The following CDKN2B-AS1 variants were observed in gnomAD, a reference collection of about 807,000 sequenced individuals.
CDKN2B-AS1 encodes the protein CDKN2B and CDKN2A antisense cis and trans regulatory RNA 1, also known as CDKN2B antisense RNA 1 (non-protein coding).
intron 4 of CDKN2B-AS1, among the ~76,000 whole-genome samples, chr9:22,069,553 A>T (rs561632643): frequency 6.6e-6 from 1 of 152,178 alleles, no homozygotes; most frequent in African/African-American, 2.4e-5. Flanking sequence ...ATAGTTACAC[A>T]TAATTATGGG....
chr9:22,105,855 A>G (rs1011502589), intron 4 of CDKN2B-AS1, among the ~76,000 whole-genome samples: 1 of 152,180 alleles, frequency 6.6e-6, no homozygotes, highest in African/African-American at 2.4e-5. Flanking sequence ...GATTTCAACT[A>G]TGGGCTTTAT....
intron 4 of CDKN2B-AS1, chr9:22,064,086 T>C (rs1202615550): frequency 6.6e-6 from 1 of 152,084 alleles, no homozygotes; most frequent in Non-Finnish European, 1.5e-5. Context: ...TACTGAGTAT[T>C]TAAGGTCTAG....
At chr9:22,054,894 G>A (rs1823492409) in intron 3 of CDKN2B-AS1, among the ~76,000 whole-genome samples, 1 of 151,644 alleles carries the variant, frequency 6.6e-6, no homozygotes, top group South Asian at 2.1e-4. Context: ...TGGGATTACA[G>A]GCACCTGCCA....
At chr9:22,126,270 G>T (rs1818022259) in intron 4 of CDKN2B-AS1, among the ~76,000 whole-genome samples, 1 of 152,222 alleles carries the variant, frequency 6.6e-6, no homozygotes, top group Admixed American at 6.5e-5. Flanking sequence ...TATTCATGAT[G>T]AATATGTGAA....
Position 22,039,422 on chromosome 9 carries a change from C to G in CDKN2B-AS1, n.30-7329C>G, listed in dbSNP as rs1822814980. Reference sequence around the variant, plus strand: ...AGAGTCAATTCTCCATATATAAATACTCGGCCCCTGTTTTAGCTGTGTCTT... The same window carrying G: ...AGAGTCAATTCTCCATATATAAATAGTCGGCCCCTGTTTTAGCTGTGTCTT... On this transcript the variant is annotated intron_variant and non_coding_transcript_variant, in intron 1 of 4. Transcript: ENST00000650946. The surrounding 1 kb of genome is among the most constrained non-coding windows in gnomAD (Gnocchi z 4.4). Among the ~76,000 whole-genome samples, 2 of 152,022 alleles carry G rather than the reference C, an allele frequency of 1.3e-5. No individual in the cohort carries two copies.
intron 4 of CDKN2B-AS1, among the ~76,000 whole-genome samples, chr9:22,071,285 C>G (rs184102694): frequency 4.4e-5 from 3 of 67,588 alleles, no homozygotes; most frequent in African/African-American, 2.1e-4. Flanking sequence ...AAATATCTAG[C>G]TTTTTTTTTT....
intron 1 of CDKN2B-AS1, chr9:22,003,714 T>A: frequency 4.3e-6 from 1 of 231,960 alleles, no homozygotes; most frequent in Non-Finnish European, 8.5e-6. Context: ...GGTTCCATTA[T>A]CTTTGTTCCA....
At chr9:22,108,037 A>G (rs1825705118) in intron 4 of CDKN2B-AS1, among the ~76,000 whole-genome samples, 1 of 152,220 alleles carries the variant, frequency 6.6e-6, no homozygotes, top group Non-Finnish European at 1.5e-5. Context: ...GTTTTCTTAA[A>G]CTGAAATAAT....
At chr9:22,108,425 G>T (rs1180449189) in intron 4 of CDKN2B-AS1, among the ~76,000 whole-genome samples, 1 of 152,154 alleles carries the variant, frequency 6.6e-6, no homozygotes, top group Non-Finnish European at 1.5e-5. Flanking sequence ...CACGTTCAGG[G>T]TGGTATGGCC....
rs116385015 is a variant in CDKN2B-AS1 at position 22,100,263 on chromosome 9, G to A, written n.439-26840G>A. On this transcript the variant is annotated intron_variant and non_coding_transcript_variant, in intron 4 of 4. Coordinates refer to ENST00000650946, the Ensembl canonical transcript of CDKN2B-AS1. Reference sequence around the variant, plus strand: ...TGTAACCATTCCTACAATGGTTATAGCACATTTTTATCATCCTAATGAGAT... The same window carrying A: ...TGTAACCATTCCTACAATGGTTATAACACATTTTTATCATCCTAATGAGAT... Among the ~76,000 whole-genome samples, 754 of 152,156 alleles carry A rather than the reference G, an allele frequency of 5.0e-3. 6 individuals carry two copies. Among genetic ancestry groups the A allele is most frequent in the African/African-American group, 0.017 (720 of 41,524 alleles).
chr9:22,029,309 A>G, intron 1 of CDKN2B-AS1: 1 of 663,806 alleles, frequency 1.5e-6, no homozygotes, highest in Middle Eastern at 2.6e-4. Context: ...TCTTTATCAA[A>G]TAGGAGAGCC....
chr9:22,018,108 G>GTGGTC (rs1163283767), intron 1 of CDKN2B-AS1, among the ~76,000 whole-genome samples: 5 of 151,948 alleles, frequency 3.3e-5, no homozygotes, highest in African/African-American at 1.2e-4. Flanking sequence ...TGGATCACCT[G>GTGGTC]AGGTCAGGAG....
intron 1 of CDKN2B-AS1, among the ~76,000 whole-genome samples, chr9:22,037,609 C>T (rs1193369871): frequency 6.6e-6 from 1 of 152,004 alleles, no homozygotes; most frequent in African/African-American, 2.4e-5. Context: ...TTTTAACTTT[C>T]CTCTTCAGCT....
chr9:22,023,371 T>C (rs1245787488), intron 1 of CDKN2B-AS1, among the ~76,000 whole-genome samples: 3 of 152,170 alleles, frequency 2.0e-5, no homozygotes, highest in Non-Finnish European at 4.4e-5. Context: ...TTTGGAAAGG[T>C]AGTCTTCAAG....
chr9:22,104,557 G>A (rs73650050), intron 4 of CDKN2B-AS1, among the ~76,000 whole-genome samples: 6,666 of 152,136 alleles, frequency 0.044, 449 homozygotes, highest in African/African-American at 0.15. Context: ...ACTTCCCACA[G>A]GACTGGAAAT....
At chr9:22,010,214 C>A (rs1821429531) in intron 1 of CDKN2B-AS1, among the ~76,000 whole-genome samples, 1 of 152,194 alleles carries the variant, frequency 6.6e-6, no homozygotes, top group Admixed American at 6.5e-5. Context: ...AAATTCTCTT[C>A]TGAAGATTTA....
Position 22,005,994 on chromosome 9 carries a change from C to G in CDKN2B-AS1, n.29+10833C>G. ...CGGCTGGGGAACCTGGCGTCAGTCCCCCGTGGCTGTGCGCAGGTACCCTGC... is the reference window on the plus strand; with the variant it reads ...CGGCTGGGGAACCTGGCGTCAGTCCGCCGTGGCTGTGCGCAGGTACCCTGC... On this transcript the variant is annotated intron_variant and non_coding_transcript_variant, in intron 1 of 4. Transcript: ENST00000650946. The surrounding 1 kb of genome is among the most constrained non-coding windows in gnomAD (Gnocchi z 4.9). 6.2e-7 allele frequency: 1 copy of G among 1,602,422 alleles called. No individual in the cohort carries two copies.
At chr9:22,016,618 G>A (rs10217281) in intron 1 of CDKN2B-AS1, among the ~76,000 whole-genome samples, 68,625 of 151,742 alleles carry the variant, frequency 0.45, 16,480 homozygotes, top group East Asian at 0.67. Context: ...CAATGGAACA[G>A]AACAGAGCCC....
At chr9:22,049,082 T>TA (rs1405226995) in intron 2 of CDKN2B-AS1, 2 of 152,184 alleles carry the variant, frequency 1.3e-5, no homozygotes, top group Non-Finnish European at 2.9e-5. Context: ...ATGACTAGGC[T>TA]AATACACTAT....
Sources: gnomAD v4.1 joint callset for allele counts (sites outside exome capture counted in the v4.1 genomes callset) on GRCh38, gnomAD v4.1.1 for gene constraint, Gnocchi (gnomAD v3.1) non-coding constraint, MANE v1.5 for transcripts, NCBI Gene and HGNC (gene_info 2026-07-23, HGNC 2026-07-21) for gene names.